Variants in IER5 observed in about 807,000 individuals in gnomAD.
IER5 encodes immediate early response 5, also known as immediate early response gene 5 protein.
A neutral mutation model predicts 8.2 loss-of-function variants in IER5; 3 were observed. That is an observed-to-expected ratio of 0.36 (90% CI 0.17 to 0.94). IER5 has a LOEUF of 0.94. Among genes scored for constraint, IER5 ranks in the 40% least tolerant of loss-of-function variants. The pLI, the probability that IER5 is intolerant of heterozygous loss-of-function variation, is 0.43. For missense variants in IER5, 531 were observed against 494.3 expected (o/e 1.07, Z -0.70); for synonymous variants, 286 against 230.1 (o/e 1.24, Z -2.20).
At position 181,088,954 on chromosome 1, in the gene IER5, A is replaced by C; in HGVS notation, c.52A>C (p.Ile18Leu). 6.2e-7 allele frequency: 1 copy of C among 1,613,660 alleles called. No homozygotes were observed. The highest frequency in any genetic ancestry group is 8.5e-7 in the Non-Finnish European group (1 of 1,179,900). ...HRIVSISLGK[I>L]YNSRVQRGGI... Reference sequence around the variant, plus strand: ...CATCGTCAGCATCTCTCTGGGCAAGATCTACAACTCGCGGGTCCAGCGCGG... The same window carrying C: ...CATCGTCAGCATCTCTCTGGGCAAGCTCTACAACTCGCGGGTCCAGCGCGG... Residue 18 changes from isoleucine to leucine, a missense_variant, in exon 1 of 1, where the codon ATC becomes CTC. By Grantham distance (5) the Ile-to-Leu change is conservative. Coordinates refer to ENST00000367577, the MANE Select transcript of IER5 (RefSeq NM_016545.5).
In IER5 at chr1:181,089,200, C is replaced by T. The variant is rs760618401; in HGVS notation, c.298C>T (p.Pro100Ser). 2 of 1,531,612 alleles carry T rather than the reference C, an allele frequency of 1.3e-6. No individual in the cohort carries two copies. Among genetic ancestry groups the T allele is most frequent in the East Asian group, 2.7e-5 (1 of 36,722 alleles). The allele number at this position is 1,531,612 out of a possible 1,614,324, so 94.9% of individuals were successfully genotyped here. Residue 100 changes from proline to serine, a missense_variant, in exon 1 of 1, where the codon CCG (proline) becomes TCG (serine). Physicochemically the swap from Pro to Ser is moderately conservative, Grantham distance 74 (BLOSUM62 -1). Coordinates refer to ENST00000367577, the MANE Select transcript of IER5 (RefSeq NM_016545.5). ...AARASWPETE[P>S]QPERSSVSDA... Reference sequence around the variant, plus strand: ...TCGTGCCTCTTGGCCGGAGACCGAGCCGCAGCCGGAGCGCTCCTCCGTCTC... The same window carrying T: ...TCGTGCCTCTTGGCCGGAGACCGAGTCGCAGCCGGAGCGCTCCTCCGTCTC...
Position 181,091,770 on chromosome 1 carries a change from T to G in IER5, c.*1884T>G, listed in dbSNP as rs1659485833. 4.6e-5 allele frequency: 7 copies of G among 152,212 alleles called. No individual in the cohort carries two copies. Among genetic ancestry groups the G allele is most frequent in the Admixed American group, 4.6e-4 (7 of 15,282 alleles). The allele number at this position is 152,212 out of a possible 1,614,324, so 9.4% of individuals were successfully genotyped here. A position where few individuals can be genotyped will look rare whatever the true frequency, so the allele number is the denominator to read the frequency against. ...TAACAACTTACGAGTATATAGGGTA[T>G]TTAAAAGATGGGAGAGATTGAAGAA... is the stretch of plus-strand genomic sequence containing the variant. On this transcript the variant is annotated 3_prime_UTR_variant, in exon 1 of 1. Coordinates refer to ENST00000367577, the MANE Select transcript of IER5 (RefSeq NM_016545.5).
rs1659492579 is a variant in IER5 at position 181,092,205 on chromosome 1, A to G, written c.*2319A>G. ...GCGATCTCAGTGTATTTTATGTTTT[A>G]AAGGGGGTAACGTTTGGTGTGTTTA... On this transcript the variant is annotated 3_prime_UTR_variant, in exon 1 of 1. Transcript: ENST00000367577. 6.6e-6 allele frequency: 1 copy of G among 151,914 alleles called. No individual in the cohort carries two copies. The highest frequency in any genetic ancestry group is 6.6e-5 in the Admixed American group (1 of 15,214). The allele number at this position is 151,914 out of a possible 1,614,324, so 9.4% of individuals were successfully genotyped here. A position where few individuals can be genotyped will look rare whatever the true frequency, so the allele number is the denominator to read the frequency against.
rs201244102 is a variant in IER5, at chr1:181,088,895, G to A, written c.-8G>A. 382 of 1,611,288 alleles carry A rather than the reference G, an allele frequency of 2.4e-4. 2 individuals are homozygous for A. In the Middle Eastern group the frequency reaches 5.1e-3, roughly 22 times the overall value. ...CCCGGCGCCGACGGCCCTGTGCAGG[G>A]GAAGCAGATGGAGTTCAAGCTGGAG... On this transcript the variant is annotated 5_prime_UTR_variant, in exon 1 of 1. Coordinates refer to ENST00000367577, the MANE Select transcript of IER5 (RefSeq NM_016545.5).
rs1466991818 is a variant in IER5 at position 181,089,410 on chromosome 1, C to G, written c.508C>G (p.Arg170Gly). Residue 170 changes from arginine to glycine, a missense_variant, in exon 1 of 1, where the codon CGT becomes GGT. By Grantham distance (125) the Arg-to-Gly change is moderately radical. Transcript: ENST00000367577. The stretch of plus-strand genomic sequence containing the variant: ...CTGGGGCGTCTTCCCCGAGGTATCT[C>G]GTGCCGCGCGCCGCCCCTGCGGCTG... ...GGWGVFPEVS[R>G]AARRPCGCPL... is the part of the protein sequence containing the mutation. 1.4e-6 allele frequency: 2 copies of G among 1,421,642 alleles called. No individual in the cohort carries two copies. Among genetic ancestry groups the G allele is most frequent in the South Asian group, 1.4e-5 (1 of 70,076 alleles). The allele number at this position is 1,421,642 out of a possible 1,614,324, so 88.1% of individuals were successfully genotyped here. A position where few individuals can be genotyped will look rare whatever the true frequency, so the allele number is the denominator to read the frequency against.
Position 181,091,527 on chromosome 1 carries a change from G to A in IER5, c.*1641G>A, listed in dbSNP as rs1659472945. 6.6e-6 allele frequency: 1 copy of A among 152,218 alleles called. No individual in the cohort carries two copies. Among genetic ancestry groups the A allele is most frequent in the Non-Finnish European group, 1.5e-5 (1 of 68,038 alleles). 9.4% of individuals were successfully genotyped at this position (152,218 alleles called of 1,614,324 possible). ...CCTGATTTGTTTTGTTACTTAAATG[G>A]TGACATCAGTGTTTGGTCATGGTAG... On this transcript the variant is annotated 3_prime_UTR_variant, in exon 1 of 1. Transcript: ENST00000367577.
chr1:181,089,993 C>T lies in IER5; in HGVS notation c.*107C>T. On this transcript the variant is annotated 3_prime_UTR_variant, in exon 1 of 1. Coordinates refer to ENST00000367577, the MANE Select transcript of IER5 (RefSeq NM_016545.5). Reference sequence around the variant, plus strand: ...GCCCAGAGACCGCGGGCGCTGAGCGCGTTGGGCAGACTGGTTGCCTCTGGG... The same window carrying T: ...GCCCAGAGACCGCGGGCGCTGAGCGTGTTGGGCAGACTGGTTGCCTCTGGG... 1 of 1,437,214 alleles carries T rather than the reference C, an allele frequency of 7.0e-7. No homozygotes were observed. Among genetic ancestry groups the T allele is most frequent in the Non-Finnish European group, 9.4e-7 (1 of 1,064,056 alleles). The allele number at this position is 1,437,214 out of a possible 1,614,324, so 89.0% of individuals were successfully genotyped here. A position where few individuals can be genotyped will look rare whatever the true frequency, so the allele number is the denominator to read the frequency against.
rs1004073474 is a variant in IER5 at position 181,088,722 on chromosome 1, G to C, written c.-181G>C. On this transcript the variant is annotated 5_prime_UTR_variant, in exon 1 of 1. Coordinates refer to ENST00000367577, the MANE Select transcript of IER5 (RefSeq NM_016545.5). Reference sequence around the variant, plus strand: ...CCTGTTTAGCGACCGGACCCGAAACGGGGAAGTTGTCTTGTTTGGAGAGGT... The same window carrying C: ...CCTGTTTAGCGACCGGACCCGAAACCGGGAAGTTGTCTTGTTTGGAGAGGT... 6.7e-6 allele frequency: 4 copies of C among 599,810 alleles called. No individual in the cohort carries two copies. The African/African-American group carries it at 7.7e-5, about 12-fold the overall frequency. 37.2% of individuals were successfully genotyped at this position (599,810 alleles called of 1,614,324 possible). A position where few individuals can be genotyped will look rare whatever the true frequency, so the allele number is the denominator to read the frequency against.
At position 181,091,035 on chromosome 1, in the gene IER5, A is replaced by G. The variant is rs1420846972; in HGVS notation, c.*1149A>G. 2 of 152,168 alleles carry G rather than the reference A, an allele frequency of 1.3e-5. No homozygotes were observed. The highest frequency in any genetic ancestry group is 2.9e-5 in the Non-Finnish European group (2 of 68,034). The allele number at this position is 152,168 out of a possible 1,614,324, so 9.4% of individuals were successfully genotyped here. Reference sequence around the variant, plus strand: ...TTTCCTCCTAGATCAGAGGACTGCTATTAGATACTAATATCGGCGACCTGT... The same window carrying G: ...TTTCCTCCTAGATCAGAGGACTGCTGTTAGATACTAATATCGGCGACCTGT... On this transcript the variant is annotated 3_prime_UTR_variant, in exon 1 of 1. Transcript: ENST00000367577.
At position 181,090,062 on chromosome 1, in the gene IER5, T is replaced by G. The variant is rs1223151290; in HGVS notation, c.*176T>G. On this transcript the variant is annotated 3_prime_UTR_variant, in exon 1 of 1. Transcript: ENST00000367577. ...GGCGCATCTGGCTTATCTGGAGACC[T>G]GGGAGCTTGAGGCTCATTGGAAGAG... The G allele has an allele frequency of 2.7e-6, 2 of 737,616 alleles. No individual in the cohort carries two copies. The highest frequency in any genetic ancestry group is 2.9e-5 in the Admixed American group (1 of 34,546). The allele number at this position is 737,616 out of a possible 1,614,324, so 45.7% of individuals were successfully genotyped here.
chr1:181,089,547 C>T lies in IER5; in HGVS notation c.645C>T (p.Cys215=). Residue 215 remains cysteine, a synonymous_variant, in exon 1 of 1, where the codon TGC becomes TGT. Coordinates refer to ENST00000367577, the MANE Select transcript of IER5 (RefSeq NM_016545.5). ...AGCCCCCCGCGCCGCCCGCGGTGTGCCCCAGGAAGCGCTGCGCGGCGGGGG... is the reference window on the plus strand; with the variant it reads ...AGCCCCCCGCGCCGCCCGCGGTGTGTCCCAGGAAGCGCTGCGCGGCGGGGG... ...EDEPPAPPAV[C]PRKRCAAGVG... The T allele has an allele frequency of 2.8e-6, 4 of 1,449,176 alleles. No homozygotes were observed. The highest frequency in any genetic ancestry group is 3.6e-6 in the Non-Finnish European group (4 of 1,101,918). The allele number at this position is 1,449,176 out of a possible 1,614,324, so 89.8% of individuals were successfully genotyped here.
chr1:181,089,219 C>T lies in IER5; in HGVS notation c.317C>T (p.Ser106Phe), dbSNP rs779531576. 4 of 1,541,916 alleles carry T rather than the reference C, an allele frequency of 2.6e-6. No homozygotes were observed. The highest frequency in any genetic ancestry group is 1.9e-5 in the Admixed American group (1 of 51,288). The change falls in exon 1 of 1, where the codon TCC (serine) becomes TTC (phenylalanine). Residue 106 changes from serine (S) to phenylalanine (F), a missense_variant. By Grantham distance (155) the Ser-to-Phe change is radical. Coordinates refer to ENST00000367577, the MANE Select transcript of IER5 (RefSeq NM_016545.5). ...PETEPQPERS[S>F]VSDAPRVGDE... The stretch of plus-strand genomic sequence containing the variant: ...ACCGAGCCGCAGCCGGAGCGCTCCT[C>T]CGTCTCAGACGCGCCGCGGGTAGGG...
At position 181,089,478 on chromosome 1, in the gene IER5, C is replaced by A. The variant is rs1388556318; in HGVS notation, c.576C>A (p.Thr192=). ...GEDPPGTPAA[T]PRAACCCAPQ... is the part of the protein sequence containing the mutation. ...ACCCGCCGGGTACACCGGCCGCGACCCCCCGCGCTGCCTGCTGCTGCGCGC... is the reference window on the plus strand; with the variant it reads ...ACCCGCCGGGTACACCGGCCGCGACACCCCGCGCTGCCTGCTGCTGCGCGC... Residue 192 remains threonine (T), a synonymous_variant, in exon 1 of 1, where the codon ACC becomes ACA. Transcript: ENST00000367577. 4.5e-6 allele frequency: 6 copies of A among 1,345,598 alleles called. No individual in the cohort carries two copies. The highest frequency in any genetic ancestry group is 1.5e-5 in the African/African-American group (1 of 65,274). 83.4% of individuals were successfully genotyped at this position (1,345,598 alleles called of 1,614,324 possible). A position where few individuals can be genotyped will look rare whatever the true frequency, so the allele number is the denominator to read the frequency against.
In IER5 at chr1:181,089,377, G is replaced by C; in HGVS notation, c.475G>C (p.Ala159Pro). 1.3e-6 allele frequency: 2 copies of C among 1,493,542 alleles called. No individual in the cohort carries two copies. Among genetic ancestry groups the C allele is most frequent in the Non-Finnish European group, 1.8e-6 (2 of 1,120,264 alleles). 92.5% of individuals were successfully genotyped at this position (1,493,542 alleles called of 1,614,324 possible). Reference sequence around the variant, plus strand: ...GGCGGCCAGAGAAGCCGAGGGTACCGCCGGAGGCTGGGGCGTCTTCCCCGA... The same window carrying C: ...GGCGGCCAGAGAAGCCGAGGGTACCCCCGGAGGCTGGGGCGTCTTCCCCGA... ...QAAAREAEGT[A>P]GGWGVFPEVS... Residue 159 changes from alanine (A) to proline (P), a missense_variant, in exon 1 of 1, where the codon GCC becomes CCC. Ala to Pro is a conservative substitution (Grantham distance 27). Transcript: ENST00000367577.
In IER5 at chr1:181,091,403, C is replaced by T. The variant is rs970276300; in HGVS notation, c.*1517C>T. On this transcript the variant is annotated 3_prime_UTR_variant, in exon 1 of 1. Coordinates refer to ENST00000367577, the MANE Select transcript of IER5 (RefSeq NM_016545.5). The stretch of plus-strand genomic sequence containing the variant: ...ATGTAAATTTTCAGTTTTTCTCTTA[C>T]ATCTAGAAAGTAAATATATTGCTGA... 6.6e-6 allele frequency: 1 copy of T among 152,222 alleles called. No individual in the cohort carries two copies. Among genetic ancestry groups the T allele is most frequent in the African/African-American group, 2.4e-5 (1 of 41,448 alleles). The allele number at this position is 152,222 out of a possible 1,614,324, so 9.4% of individuals were successfully genotyped here.
Position 181,088,957 on chromosome 1 carries a change from T to G in IER5, c.55T>G (p.Tyr19Asp). The G allele has an allele frequency of 2.5e-6, 4 of 1,613,780 alleles. No homozygotes were observed. Among genetic ancestry groups the G allele is most frequent in the Non-Finnish European group, 3.4e-6 (4 of 1,179,904 alleles). The change falls in exon 1 of 1, where the codon TAC (tyrosine) becomes GAC (aspartate). Residue 19 changes from tyrosine to aspartate, a missense_variant. By Grantham distance (160) the Tyr-to-Asp change is radical. Transcript: ENST00000367577. Reference protein sequence around the residue: ...RIVSISLGKIYNSRVQRGGIK... With the variant: ...RIVSISLGKIDNSRVQRGGIK... ...CGTCAGCATCTCTCTGGGCAAGATC[T>G]ACAACTCGCGGGTCCAGCGCGGCGG...
chr1:181,088,706 C>A lies in IER5; in HGVS notation c.-197C>A. The A allele has an allele frequency of 1.8e-6, 1 of 560,938 alleles. No homozygotes were observed. Among genetic ancestry groups the A allele is most frequent in the Non-Finnish European group, 3.1e-6 (1 of 327,194 alleles). The allele number at this position is 560,938 out of a possible 1,614,324, so 34.7% of individuals were successfully genotyped here. On this transcript the variant is annotated 5_prime_UTR_variant, in exon 1 of 1. Transcript: ENST00000367577. The stretch of plus-strand genomic sequence containing the variant: ...GGGGCAGCCAGGCTGCCCTGTTTAG[C>A]GACCGGACCCGAAACGGGGAAGTTG...
chr1:181,089,044 C>T lies in IER5; in HGVS notation c.142C>T (p.Leu48=), dbSNP rs776688907. 1 of 1,608,680 alleles carries T rather than the reference C, an allele frequency of 6.2e-7. No individual in the cohort carries two copies. The highest frequency in any genetic ancestry group is 1.3e-5 in the African/African-American group (1 of 74,710). Residue 48 remains leucine, a synonymous_variant, in exon 1 of 1, where the codon CTG becomes TTG. Coordinates refer to ENST00000367577, the MANE Select transcript of IER5 (RefSeq NM_016545.5). ...LVLRSARQVY[L]SDPCPGLYLA... ...GCTGCGCAGCGCCCGCCAAGTCTAC[C>T]TGAGCGACCCGTGCCCCGGCCTCTA...
Position 181,089,309 on chromosome 1 carries a change from C to T in IER5, c.407C>T (p.Ala136Val). The T allele has an allele frequency of 1.3e-6, 2 of 1,551,408 alleles. No individual in the cohort carries two copies. Among genetic ancestry groups the T allele is most frequent in the South Asian group, 1.2e-5 (1 of 84,420 alleles). ...GDVFQGGEAD[A>V]TEAAWSRVEG... ...GTTTTTCAGGGCGGAGAGGCGGACG[C>T]GACGGAAGCTGCCTGGAGCCGCGTG... Residue 136 changes from alanine (A) to valine (V), a missense_variant, in exon 1 of 1, where the codon GCG becomes GTG. By Grantham distance (64) the Ala-to-Val change is moderately conservative (BLOSUM62 0). Transcript: ENST00000367577.
Sources: gnomAD v4.1 joint callset for allele counts on GRCh38, gnomAD v4.1.1 for gene constraint, MANE v1.5 for transcripts, NCBI Gene and HGNC (gene_info 2026-07-23, HGNC 2026-07-21) for gene names.